Variants in TRAPPC9 observed in about 807,000 individuals in gnomAD.
The protein encoded by TRAPPC9 is trafficking protein particle complex subunit 9, also known as IKK2 binding protein.
A neutral mutation model predicts 124.0 loss-of-function variants in TRAPPC9; 83 were observed. The observed-to-expected ratio is 0.67, with a 90% CI of 0.56 to 0.80. The LOEUF (loss-of-function observed/expected upper bound fraction) is 0.80. Ranked by LOEUF, TRAPPC9 falls within the 30% of genes least tolerant of loss-of-function variation. The pLI, the probability that TRAPPC9 is intolerant of heterozygous loss-of-function variation, is 0.00. For missense variants in TRAPPC9, 1,302 were observed against 1,508.3 expected (o/e 0.86, Z 2.27); for synonymous variants, 638 against 617.5 (o/e 1.03, Z -0.49).
At chr8:140,237,630 T>C (rs1045865132) in intron 16 of TRAPPC9, among the ~76,000 whole-genome samples, 7 of 151,846 alleles carry the variant, frequency 4.6e-5, no homozygotes, top group Non-Finnish European at 1.0e-4. Flanking sequence ...GTGCAACTAA[T>C]TCAGAATTCC....
chr8:140,214,322 C>T (rs2063139354), intron 17 of TRAPPC9, among the ~76,000 whole-genome samples: 1 of 152,202 alleles, frequency 6.6e-6, no homozygotes, highest in African/African-American at 2.4e-5. Context: ...AAGTACCTGG[C>T]CAAAGGCCCA....
chr8:140,031,899 A>C (rs995288610), intron 17 of TRAPPC9, among the ~76,000 whole-genome samples: 1 of 152,136 alleles, frequency 6.6e-6, no homozygotes, highest in Non-Finnish European at 1.5e-5. Flanking sequence ...ATGTCTGGGG[A>C]CTGTTAGAAG....
chr8:140,268,705 G>C (rs1164909293), intron 15 of TRAPPC9, among the ~76,000 whole-genome samples: 1 of 152,128 alleles, frequency 6.6e-6, no homozygotes, highest in Non-Finnish European at 1.5e-5. Flanking sequence ...GGCCCTATGT[G>C]CCCTGCGCAT....
chr8:139,960,409 C>T (rs1018164784), intron 19 of TRAPPC9, among the ~76,000 whole-genome samples: 5 of 152,202 alleles, frequency 3.3e-5, no homozygotes, highest in African/African-American at 1.2e-4. Flanking sequence ...AGCCCCGACA[C>T]CCCGTGTTCC....
At chr8:139,993,130 G>A (rs1177858025) in intron 18 of TRAPPC9, among the ~76,000 whole-genome samples, 2 of 152,112 alleles carry the variant, frequency 1.3e-5, no homozygotes, top group African/African-American at 4.8e-5. Flanking sequence ...CATTTTTAAT[G>A]CGTTGCAAAT....
intron 17 of TRAPPC9, among the ~76,000 whole-genome samples, chr8:140,170,560 G>C (rs1302897699): frequency 6.6e-6 from 1 of 152,088 alleles, no homozygotes; most frequent in Non-Finnish European, 1.5e-5. Context: ...CCCAATTAGG[G>C]GGACATATAG....
chr8:139,884,814 C>G (rs556541612), intron 21 of TRAPPC9, among the ~76,000 whole-genome samples: 25 of 152,212 alleles, frequency 1.6e-4, no homozygotes, highest in Admixed American at 1.0e-3. Context: ...ACAGAAGGAG[C>G]CCGAGTGTAA....
chr8:140,175,551 A>G (rs1026475775), intron 17 of TRAPPC9, among the ~76,000 whole-genome samples: 2 of 152,186 alleles, frequency 1.3e-5, no homozygotes, highest in African/African-American at 4.8e-5. Flanking sequence ...TCCAGAGTAA[A>G]CTCTACTTGC....
intron 17 of TRAPPC9, among the ~76,000 whole-genome samples, chr8:140,144,311 G>T (rs1262236083): frequency 1.3e-5 from 2 of 152,136 alleles, no homozygotes; most frequent in Admixed American, 6.5e-5. Flanking sequence ...TCTAATCCAT[G>T]AATATGGTAT....
intron 19 of TRAPPC9, among the ~76,000 whole-genome samples, chr8:139,956,566 T>C (rs1428132584): frequency 1.3e-5 from 2 of 152,164 alleles, no homozygotes; most frequent in Non-Finnish European, 2.9e-5. Context: ...CACCACGGTG[T>C]CTCGTACATG....
chr8:140,338,959 C>G (rs2067119745), intron 9 of TRAPPC9, among the ~76,000 whole-genome samples: 1 of 128,130 alleles, frequency 7.8e-6, no homozygotes, highest in South Asian at 3.0e-4. Context: ...ACCACCGCCA[C>G]CAGACGGCCA....
intron 17 of TRAPPC9, among the ~76,000 whole-genome samples, chr8:140,083,129 G>C (rs372321022): frequency 2.6e-5 from 4 of 152,100 alleles, no homozygotes; most frequent in Admixed American, 1.3e-4. Flanking sequence ...GAAGGCGGAG[G>C]TTGCAGTGAG....
At chr8:140,120,841 T>A (rs1429403957) in intron 17 of TRAPPC9, among the ~76,000 whole-genome samples, 1 of 128,220 alleles carries the variant, frequency 7.8e-6, no homozygotes, top group East Asian at 2.0e-4. Flanking sequence ...CCATCCATCA[T>A]CCATCCATCC....
At chr8:140,232,123 G>T (rs972152480) in intron 16 of TRAPPC9, among the ~76,000 whole-genome samples, 5 of 151,764 alleles carry the variant, frequency 3.3e-5, no homozygotes, top group Non-Finnish European at 7.4e-5. Flanking sequence ...TTGCTATGTT[G>T]CCCAGGCTGG....
Position 140,287,812 on chromosome 8 carries a change from T to C in TRAPPC9, c.1855-78A>G, listed in dbSNP as rs111948996. On this transcript the variant is annotated intron_variant, in intron 12 of 22. Transcript: ENST00000438773. Reference sequence around the variant, plus strand: ...TCAGTTCCAAATGAGCCTTAAGACATTGGCTATGGCACATCGGAACTGCTG... The same window carrying C: ...TCAGTTCCAAATGAGCCTTAAGACACTGGCTATGGCACATCGGAACTGCTG... The C allele has an allele frequency of 1.1e-3, 1,691 of 1,591,978 alleles. 12 individuals are homozygous for C. In the African/African-American group the frequency reaches 0.02, roughly 19 times the overall value.
chr8:139,733,664 G>A (rs979236064), intron 21 of TRAPPC9, among the ~76,000 whole-genome samples: 3 of 152,218 alleles, frequency 2.0e-5, no homozygotes, highest in African/African-American at 7.2e-5. Context: ...TGACATGATG[G>A]TGACACGCAT....
intron 17 of TRAPPC9, among the ~76,000 whole-genome samples, chr8:140,139,222 C>T (rs2061347323): frequency 6.6e-6 from 1 of 152,160 alleles, no homozygotes; most frequent in African/African-American, 2.4e-5. Flanking sequence ...GTTCCCACTG[C>T]CGGGAGCCTG....
At chr8:140,133,557 C>CAAA (rs1563786725) in intron 17 of TRAPPC9, among the ~76,000 whole-genome samples, 1 of 152,124 alleles carries the variant, frequency 6.6e-6, no homozygotes. Context: ...GAGTCTTCCT[C>CAAA]AGAGCAATTA....
At chr8:140,036,088 A>ACAGAGGGTCCATGTGGCGGGGCAG (rs1331641043) in intron 17 of TRAPPC9, among the ~76,000 whole-genome samples, 8 of 151,950 alleles carry the variant, frequency 5.3e-5, no homozygotes, top group African/African-American at 1.7e-4. Context: ...TGGCGGGGCT[A>ACAGAGGGTCCATGTGGCGGGGCAG]CAGAGAGAGC....
Sources: allele counts gnomAD v4.1 joint callset (sites outside exome capture counted in the v4.1 genomes callset), GRCh38; gene constraint gnomAD v4.1.1; transcripts MANE v1.5; gene names NCBI Gene and HGNC (gene_info 2026-07-23, HGNC 2026-07-21).